The following WDR73 variants were observed in gnomAD, a reference collection of about 807,000 sequenced individuals.
WDR73 encodes WD repeat domain 73, also known as integrator complex assembly factor WDR73.
WDR73 carries 30 observed loss-of-function variants against 38.2 expected under a neutral mutation model. The ratio of observed to expected loss-of-function variants is 0.79; its 90% CI spans 0.59 to 1.06. The LOEUF (loss-of-function observed/expected upper bound fraction) is 1.06, where lower values mean the gene tolerates loss of function less well. Ranked by LOEUF, WDR73 falls within the 50% of genes least tolerant of loss-of-function variation. The pLI, the probability that WDR73 is intolerant of heterozygous loss-of-function variation, is 0.00. For missense variants in WDR73, 487 were observed against 467.0 expected (o/e 1.04, Z -0.40); for synonymous variants, 197 against 176.0 (o/e 1.12, Z -0.94).
chr15:84,650,514 C>A (rs1896589057), intron 3 of WDR73, among the ~76,000 whole-genome samples: 1 of 152,166 alleles, frequency 6.6e-6, no homozygotes, highest in South Asian at 2.1e-4. Flanking sequence ...GCGCATGCCA[C>A]CACACCCGGC....
chr15:84,653,066 G>A (rs984439759), intron 2 of WDR73: 2 of 343,266 alleles, frequency 5.8e-6, no homozygotes, highest in East Asian at 4.7e-5. Context: ...TTATAGGCGT[G>A]AGCCACCATG....
intron 3 of WDR73, among the ~76,000 whole-genome samples, chr15:84,650,178 T>A (rs1247600106): frequency 1.3e-5 from 2 of 152,154 alleles, no homozygotes; most frequent in Non-Finnish European, 2.9e-5. Flanking sequence ...GGCCCTAAGA[T>A]AAATTTATTT....
At chr15:84,648,315 G>C (rs1567023533) in intron 4 of WDR73, 1 of 588,384 alleles carries the variant, frequency 1.7e-6, no homozygotes, top group Admixed American at 3.0e-5. Flanking sequence ...CGGTAGAACT[G>C]TTACTTACAT....
At chr15:84,651,153 G>T (rs1291679039) in intron 3 of WDR73, among the ~76,000 whole-genome samples, 1 of 151,086 alleles carries the variant, frequency 6.6e-6, no homozygotes, top group East Asian at 2.0e-4. Flanking sequence ...GGCCAGGAGT[G>T]ATGGCTCATG....
chr15:84,654,189 C>A (rs749450194), intron 1 of WDR73, 45 bp downstream of exon 1: 1 of 1,613,620 alleles, frequency 6.2e-7, no homozygotes, highest in South Asian at 1.1e-5. Flanking sequence ...GCCCGCCAGG[C>A]AAGCTCCAGG....
intron 1 of WDR73, 74 bp from the exon 2 acceptor site, chr15:84,653,773 A>G: frequency 1.6e-6 from 2 of 1,220,506 alleles, no homozygotes; most frequent in South Asian, 1.3e-5. Context: ...TGGCAGCCGC[A>G]TGGTTCAGTG....
intron 3 of WDR73, among the ~76,000 whole-genome samples, 168 bp downstream of exon 3, chr15:84,652,543 ACAG>A (rs1192508970): frequency 1.3e-5 from 2 of 152,200 alleles, no homozygotes; most frequent in Admixed American, 6.5e-5. Flanking sequence ...GAGACATTCT[ACAG>A]CATTTATCTC....
chr15:84,645,202 A>T (rs1896407893), intron 7 of WDR73: 2 of 1,328,384 alleles, frequency 1.5e-6, no homozygotes, highest in Non-Finnish European at 1.9e-6. Context: ...TGTCTGTCCC[A>T]GTGTCTTACT....
At position 84,654,214 on chromosome 15, in the gene WDR73, C is replaced by T. The variant is rs1218716573; in HGVS notation, c.41+20G>A. 1.2e-5 allele frequency: 19 copies of T among 1,603,830 alleles called. No individual in the cohort carries two copies. Among genetic ancestry groups the T allele is most frequent in the East Asian group, 2.2e-5 (1 of 44,882 alleles). On this transcript the variant is annotated intron_variant, in intron 1 of 7. Coordinates refer to ENST00000434634, the MANE Select transcript of WDR73 (RefSeq NM_032856.5). ...CAAGCTCCAGGCCCAGCTCCCATGT[C>T]CCAGCCCCGTACGATTTACAAGCGC...
rs748550573 is a variant in WDR73 at position 84,652,778 on chromosome 15, C to T, written c.134G>A (p.Ser45Asn). Residue 45 changes from serine (S) to asparagine (N), a missense_variant, in exon 3 of 8, where the codon AGC (serine) becomes AAC (asparagine). Physicochemically the swap from Ser to Asn is conservative, Grantham distance 46. Transcript: ENST00000434634. The stretch of plus-strand genomic sequence containing the variant: ...ATGAAGAATTTCATTCTTTTTCAGG[C>T]TTTCATAGCCAGCAACAAAGACTCC... ...DKGVFVAGYE[S>N]LKKNEILHLK... is the part of the protein sequence containing the mutation. The T allele has an allele frequency of 7.2e-6, 11 of 1,535,522 alleles. No homozygotes were observed. The highest frequency in any genetic ancestry group is 9.6e-6 in the Non-Finnish European group (11 of 1,139,936).
intron 5 of WDR73, 127 bp from the exon 6 acceptor site, chr15:84,646,475 G>C: frequency 7.1e-7 from 1 of 1,418,292 alleles, no homozygotes; most frequent in Non-Finnish European, 9.3e-7. Flanking sequence ...GCTGGCAAGA[G>C]ATGATGTTGA....
chr15:84,646,025 C>T (rs1322527044), intron 6 of WDR73, 159 bp downstream of exon 6: 4 of 1,542,378 alleles, frequency 2.6e-6, no homozygotes, highest in East Asian at 4.9e-5. Flanking sequence ...CTAATCCTGC[C>T]CCAGCATAGG....
chr15:84,645,334 G>C (rs1246172841), intron 7 of WDR73, 137 bp downstream of exon 7: 8 of 1,532,804 alleles, frequency 5.2e-6, no homozygotes, highest in African/African-American at 4.1e-5. Flanking sequence ...AGAACCTGGA[G>C]AGTTCGAATT....
chr15:84,648,624 C>T lies in WDR73; in HGVS notation c.200G>A (p.Gly67Asp). 1.2e-6 allele frequency: 2 copies of T among 1,612,442 alleles called. No homozygotes were observed. Among genetic ancestry groups the T allele is most frequent in the Non-Finnish European group, 1.7e-6 (2 of 1,178,570 alleles). The change falls in exon 4 of 8, where the codon GGC (glycine) becomes GAC (aspartate). Residue 67 changes from glycine to aspartate, a missense_variant and splice_region_variant. Transcript: ENST00000434634. ...PLRLSVKENK[G>D]LFPERDFKVR... is the part of the protein sequence containing the mutation. ...TTTGAAATCTCTTTCTGGGAATAAG[C>T]CCTAAAATACAAAGGAGTAGCCAAT...
chr15:84,646,389 AAGGTTTGAAACATGAC>A (rs1183969778), intron 5 of WDR73, 41 bp from the exon 6 acceptor site: 1 of 1,581,848 alleles, frequency 6.3e-7, no homozygotes, highest in Admixed American at 1.7e-5. Flanking sequence ...AACTTTAATG[AAGGTTTGAAACATGAC>A]AGGCTGCCAG....
chr15:84,646,077 C>A (rs988129867), intron 6 of WDR73, 107 bp downstream of exon 6: 17 of 1,568,304 alleles, frequency 1.1e-5, no homozygotes, highest in Non-Finnish European at 1.5e-5. Flanking sequence ...CACTGTGTAT[C>A]CCCAACACCT....
Position 84,645,588 on chromosome 15 carries a change from G to T in WDR73, c.766C>A (p.Arg256=). The T allele has an allele frequency of 6.2e-7, 1 of 1,610,980 alleles. No homozygotes were observed. The change falls in exon 7 of 8, where the codon CGG becomes AGG. Residue 256 remains arginine (R), a synonymous_variant. Transcript: ENST00000434634. ...SDGRLCLLDP[R]DLCHPVSSVQ... is the part of the protein sequence containing the mutation. ...GAGCTCACAGGATGGCAGAGATCCC[G>T]GGGGTCAAGAAGACAAAGACGCCCA...
intron 5 of WDR73, 82 bp from the exon 6 acceptor site, chr15:84,646,430 A>G (rs1896465821): frequency 2.0e-6 from 3 of 1,517,946 alleles, no homozygotes; most frequent in African/African-American, 1.4e-5. Flanking sequence ...CTTCCCCTGT[A>G]CATTTAGAAG....
At chr15:84,652,212 AACTC>A (rs1896646341) in intron 3 of WDR73, among the ~76,000 whole-genome samples, 1 of 152,094 alleles carries the variant, frequency 6.6e-6, no homozygotes. Context: ...GACAGCTACT[AACTC>A]TTTTTTTCTT....
Sources: gnomAD v4.1 joint callset for allele counts (sites outside exome capture counted in the v4.1 genomes callset) on GRCh38, gnomAD v4.1.1 for gene constraint, MANE v1.5 for transcripts, NCBI Gene and HGNC (gene_info 2026-07-23, HGNC 2026-07-21) for gene names.